The following RASEF variants were observed in gnomAD, a reference collection of about 807,000 sequenced individuals.
The protein encoded by RASEF is RAS and EF-hand domain containing.
RASEF carries 68 observed loss-of-function variants against 90.1 expected under a neutral mutation model. That is an observed-to-expected ratio of 0.75 (90% CI 0.62 to 0.92). The LOEUF (loss-of-function observed/expected upper bound fraction) is 0.92, where lower values mean the gene tolerates loss of function less well. Ranked by LOEUF, RASEF falls within the 40% of genes least tolerant of loss-of-function variation. The probability of loss-of-function intolerance (pLI) is 0.00; values close to 1 mark genes in which losing one functional copy is unlikely to be tolerated. For synonymous variants in RASEF, 331 were observed against 345.2 expected, an observed-to-expected ratio of 0.96 and a Z score of 0.46; for missense variants, 949 against 937.2, an observed-to-expected ratio of 1.01 and a Z score of -0.16.
At chr9:83,045,909 GCA>G (rs1829920628) in intron 1 of RASEF, among the ~76,000 whole-genome samples, 1 of 151,974 alleles carries the variant, frequency 6.6e-6, no homozygotes, top group African/African-American at 2.4e-5. Flanking sequence ...TGTACTGTTA[GCA>G]CAGACTGTCC....
At chr9:83,070,728 ATATCT>A in the RASEF span, among the ~76,000 whole-genome samples, 7 of 152,130 alleles carry the variant, frequency 4.6e-5, no homozygotes, top group South Asian at 8.3e-4. Flanking sequence ...GGGAGAACTG[ATATCT>A]TAATAATATT....
At chr9:83,059,209 T>C (rs1830160942) in intron 1 of RASEF, among the ~76,000 whole-genome samples, 1 of 151,766 alleles carries the variant, frequency 6.6e-6, no homozygotes, top group Non-Finnish European at 1.5e-5. Flanking sequence ...GTTTCAGCTC[T>C]GACTAGAGGT....
the RASEF span, among the ~76,000 whole-genome samples, chr9:83,174,704 A>G: frequency 6.6e-6 from 1 of 152,160 alleles, no homozygotes; most frequent in African/African-American, 2.4e-5. Flanking sequence ...TTTGTTGAGC[A>G]TTGAGTCCAC....
At chr9:82,992,354 T>C (rs949163492) in intron 15 of RASEF, among the ~76,000 whole-genome samples, 11 of 152,210 alleles carry the variant, frequency 7.2e-5, no homozygotes, top group Non-Finnish European at 5.9e-5. Flanking sequence ...ACAATCTGAA[T>C]AGGAATGAGT....
In RASEF at chr9:83,037,460, T is replaced by C. The variant is rs1286144942; in HGVS notation, c.432-11539A>G. ...ACGCTATTACAAATTCCATGAAAAATAAAAGAATAAAGCATTGTAGTAAAA... is the reference window on the plus strand; with the variant it reads ...ACGCTATTACAAATTCCATGAAAAACAAAAGAATAAAGCATTGTAGTAAAA... On this transcript the variant is annotated intron_variant, in intron 1 of 16. Transcript: ENST00000376447. 2.0e-5 allele frequency among the ~76,000 whole-genome samples: 3 copies of C among 151,982 alleles called. No homozygotes were observed. In the East Asian group the frequency reaches 5.8e-4, roughly 29 times the overall value.
chr9:83,155,012 T>C, the RASEF span, among the ~76,000 whole-genome samples: 1 of 152,184 alleles, frequency 6.6e-6, no homozygotes, highest in Admixed American at 6.5e-5. Context: ...GCTAACCTTC[T>C]TCCCACCACC....
At chr9:83,034,914 A>C (rs1166026712) in intron 1 of RASEF, among the ~76,000 whole-genome samples, 5 of 152,210 alleles carry the variant, frequency 3.3e-5, no homozygotes, top group African/African-American at 1.2e-4. Context: ...GTTGGTAATC[A>C]GTAAGTGCCA....
At chr9:83,019,554 GATCAACCC>G (rs1318214506) in intron 3 of RASEF, among the ~76,000 whole-genome samples, 1 of 152,104 alleles carries the variant, frequency 6.6e-6, no homozygotes, top group Non-Finnish European at 1.5e-5. Context: ...CTACATAGAT[GATCAACCC>G]ATTCCACTCC....
chr9:83,000,466 T>G lies in RASEF; in HGVS notation c.1542A>C (p.Ser514=). The change falls in exon 11 of 17, where the codon TCA becomes TCC. Residue 514 remains serine (S), a synonymous_variant. Transcript: ENST00000376447. ...AGAGTGCTGAGATGGGCTTTCTTGA[T>G]GAACTAACAATGCTGCCTTCACTAA... ...GSVSEGSIVS[S]SRKPISALSP... is the part of the protein sequence containing the mutation. The G allele has an allele frequency of 6.2e-7, 1 of 1,614,118 alleles. No homozygotes were observed. The highest frequency in any genetic ancestry group is 8.5e-7 in the Non-Finnish European group (1 of 1,179,990).
intron 2 of RASEF, among the ~76,000 whole-genome samples, chr9:83,025,167 G>A (rs73469430): frequency 0.029 from 4,484 of 152,216 alleles, 202 homozygotes; most frequent in African/African-American, 0.1. Context: ...GGCTTAAATG[G>A]ACTGTATTAG....
chr9:83,196,365 AACTGCAAAGG>A, the RASEF span, among the ~76,000 whole-genome samples: 1 of 152,102 alleles, frequency 6.6e-6, no homozygotes, highest in Non-Finnish European at 1.5e-5. Context: ...TAGGTCTTAG[AACTGCAAAGG>A]ACTTGAATAA....
the RASEF span, among the ~76,000 whole-genome samples, chr9:83,117,837 G>A: frequency 8.5e-5 from 13 of 152,236 alleles, no homozygotes; most frequent in Admixed American, 2.6e-4. Context: ...ATCAAATCAT[G>A]TTGGGGAAAG....
At chr9:83,178,263 C>T in the RASEF span, among the ~76,000 whole-genome samples, 1 of 152,092 alleles carries the variant, frequency 6.6e-6, no homozygotes, top group Non-Finnish European at 1.5e-5. Flanking sequence ...CATATCTTAC[C>T]CCAAGGTACT....
chr9:82,980,111 A>G lies in RASEF; in HGVS notation c.*2566T>C, dbSNP rs911619738. The G allele has an allele frequency of 6.6e-6, 1 of 152,226 alleles. No individual in the cohort carries two copies. The highest frequency in any genetic ancestry group is 2.4e-5 in the African/African-American group (1 of 41,470). The allele number at this position is 152,226 out of a possible 1,614,324, so 9.4% of individuals were successfully genotyped here. On this transcript the variant is annotated 3_prime_UTR_variant, in exon 17 of 17. Transcript: ENST00000376447. ...CACAATGAAATTAAAATATTTTACA[A>G]TGTATCAGGATACATTTAAAAAAGG...
chr9:83,161,297 C>G, the RASEF span, among the ~76,000 whole-genome samples: 1 of 152,170 alleles, frequency 6.6e-6, no homozygotes, highest in Non-Finnish European at 1.5e-5. Flanking sequence ...GGCAAAGCTG[C>G]CTGAGACCAT....
At chr9:83,129,310 G>A in the RASEF span, among the ~76,000 whole-genome samples, 1 of 151,914 alleles carries the variant, frequency 6.6e-6, no homozygotes, top group African/African-American at 2.4e-5. Context: ...GGGAGGCTGA[G>A]GCAGGAGAAT....
At chr9:83,094,347 T>G in the RASEF span, among the ~76,000 whole-genome samples, 1 of 146,122 alleles carries the variant, frequency 6.8e-6, no homozygotes, top group Non-Finnish European at 1.5e-5. Context: ...ATATTGTTTA[T>G]GTTGATTATA....
intron 13 of RASEF, among the ~76,000 whole-genome samples, chr9:82,997,847 C>T (rs950462426): frequency 1.6e-4 from 24 of 152,128 alleles, no homozygotes; most frequent in Non-Finnish European, 1.5e-4. Context: ...CCCATACTTA[C>T]GGGTTGAACA....
chr9:83,048,564 GTAAA>G lies in RASEF; in HGVS notation c.431+13869_431+13872del, dbSNP rs889600930. ...AAAGTTTAAGTGAAGGAATGAATGA[GTAAA>G]TGAATGAATGAATGAATGAATGAAA... On this transcript the variant is annotated intron_variant, in intron 1 of 16. Coordinates refer to ENST00000376447, the MANE Select transcript of RASEF (RefSeq NM_152573.4). The G allele has an allele frequency of 7.6e-5, 75 of 984,186 alleles. No individual in the cohort carries two copies. The Middle Eastern group carries it at 1.6e-3, about 21-fold the overall frequency. 61.0% of individuals were successfully genotyped at this position (984,186 alleles called of 1,614,324 possible).
Sources: allele counts gnomAD v4.1 joint callset (sites outside exome capture counted in the v4.1 genomes callset), GRCh38; gene constraint gnomAD v4.1.1; transcripts MANE v1.5; gene names NCBI Gene and HGNC (gene_info 2026-07-23, HGNC 2026-07-21).